STK3: variants seen among roughly 807,000 people sequenced by gnomAD.
STK3 encodes the protein serine/threonine-protein kinase 3.
A neutral mutation model predicts 58.0 loss-of-function variants in STK3; 41 were observed. The ratio of observed to expected loss-of-function variants is 0.71; its 90% CI spans 0.55 to 0.92. STK3 has a LOEUF of 0.92. Ranked by LOEUF, STK3 falls within the 40% of genes least tolerant of loss-of-function variation. The pLI is 0.00. For synonymous variants in STK3, 170 were observed against 191.0 expected (o/e 0.89, Z 0.91); for missense variants, 479 against 602.7 (o/e 0.79, Z 2.15).
chr8:98,574,108 C>A (rs114280925), intron 8 of STK3, among the ~76,000 whole-genome samples: 69 of 152,132 alleles, frequency 4.5e-4, no homozygotes, highest in African/African-American at 1.5e-3. Flanking sequence ...AGGGCCACAG[C>A]CAAACCATAT....
At chr8:98,769,345 T>TC (rs1173900202) in intron 2 of STK3, among the ~76,000 whole-genome samples, 1 of 152,168 alleles carries the variant, frequency 6.6e-6, no homozygotes, top group African/African-American at 2.4e-5. Flanking sequence ...GGCAGGTCTT[T>TC]CCCATGCTGT....
chr8:98,786,393 T>A (rs1023527580), intron 1 of STK3, among the ~76,000 whole-genome samples: 1 of 152,124 alleles, frequency 6.6e-6, no homozygotes, highest in Non-Finnish European at 1.5e-5. Flanking sequence ...CAAAGAAATT[T>A]AAAAATTAGC....
At chr8:98,495,837 A>G (rs544191802) in intron 10 of STK3, among the ~76,000 whole-genome samples, 1 of 152,292 alleles carries the variant, frequency 6.6e-6, no homozygotes, top group East Asian at 1.9e-4. Flanking sequence ...TTAAAGCTGA[A>G]GTTCATACTA....
chr8:98,480,622 T>G (rs1821772050), intron 10 of STK3, among the ~76,000 whole-genome samples: 1 of 152,108 alleles, frequency 6.6e-6, no homozygotes, highest in African/African-American at 2.4e-5. Flanking sequence ...GAATTCAAAC[T>G]TGTATCTGAT....
intron 6 of STK3, among the ~76,000 whole-genome samples, chr8:98,687,458 G>GC (rs1217458226): frequency 2.0e-5 from 3 of 152,066 alleles, no homozygotes. Flanking sequence ...ATTCTTGATC[G>GC]CCCACCGCCC....
intron 1 of STK3, among the ~76,000 whole-genome samples, chr8:98,798,877 C>T (rs770105983): frequency 2.6e-5 from 4 of 152,174 alleles, no homozygotes; most frequent in Non-Finnish European, 4.4e-5. Context: ...GATTAAGACC[C>T]TAATGAAAGA....
chr8:98,783,553 G>A (rs1832256523), intron 1 of STK3, among the ~76,000 whole-genome samples: 1 of 152,186 alleles, frequency 6.6e-6, no homozygotes, highest in African/African-American at 2.4e-5. Context: ...CCTGATCAGG[G>A]TGGTGGTTGC....
At chr8:98,604,322 G>C (rs1816603931) in intron 6 of STK3, among the ~76,000 whole-genome samples, 1 of 152,200 alleles carries the variant, frequency 6.6e-6, no homozygotes, top group Non-Finnish European at 1.5e-5. Context: ...CTGATAAAAG[G>C]CGTGGGCTCC....
chr8:98,423,616 G>T (rs1235186929), intron 3 of STK3, among the ~76,000 whole-genome samples: 1 of 152,226 alleles, frequency 6.6e-6, no homozygotes, highest in East Asian at 1.9e-4. Flanking sequence ...TGGCTGGTGG[G>T]GAGCAGGATG....
chr8:98,618,488 A>C (rs1042818247), intron 6 of STK3, among the ~76,000 whole-genome samples: 19 of 151,956 alleles, frequency 1.3e-4, no homozygotes, highest in Admixed American at 2.6e-4. Context: ...AGAAGGAAAT[A>C]AAGGGTATTC....
chr8:98,838,117 C>T (rs535278230), intron 3 of STK3, among the ~76,000 whole-genome samples: 83 of 150,010 alleles, frequency 5.5e-4, no homozygotes, highest in Admixed American at 2.3e-3. Flanking sequence ...GTAGGGCACA[C>T]CTTTAGTACG....
At chr8:98,518,516 T>C (rs1229056692) in intron 10 of STK3, among the ~76,000 whole-genome samples, 1 of 152,188 alleles carries the variant, frequency 6.6e-6, no homozygotes, top group Non-Finnish European at 1.5e-5. Context: ...AAGAATCAAT[T>C]AAATCTAGTT....
intron 6 of STK3, among the ~76,000 whole-genome samples, chr8:98,654,732 C>T (rs1020941523): frequency 6.6e-6 from 1 of 152,064 alleles, no homozygotes; most frequent in Non-Finnish European, 1.5e-5. Context: ...CTCCCATTCA[C>T]AATTGCTTCA....
At chr8:98,739,742 G>A (rs548704141) in intron 4 of STK3, among the ~76,000 whole-genome samples, 10 of 147,686 alleles carry the variant, frequency 6.8e-5, no homozygotes, top group South Asian at 4.4e-4. Flanking sequence ...AAAGCTGGAC[G>A]GAGAATGACT....
At chr8:98,435,274 A>C (rs1818446085) in intron 2 of STK3, among the ~76,000 whole-genome samples, 3 of 152,186 alleles carry the variant, frequency 2.0e-5, no homozygotes, top group Admixed American at 2.0e-4. Context: ...AAAAGGAAAA[A>C]ACCTTTTCCT....
At chr8:98,820,550 T>C (rs761995159) in intron 1 of STK3, among the ~76,000 whole-genome samples, 5 of 152,216 alleles carry the variant, frequency 3.3e-5, no homozygotes, top group African/African-American at 7.2e-5. Context: ...CTGTCTATCA[T>C]AGAGACCCAC....
downstream of STK3, among the ~76,000 whole-genome samples, chr8:98,399,777 C>T (rs572610233): frequency 4.6e-5 from 7 of 152,278 alleles, no homozygotes; most frequent in East Asian, 1.3e-3. Context: ...ACTATGTCAC[C>T]AACTGAGAGC....
chr8:98,681,733 C>A (rs1164222608), intron 6 of STK3, among the ~76,000 whole-genome samples: 1 of 152,168 alleles, frequency 6.6e-6, no homozygotes, highest in African/African-American at 2.4e-5. Flanking sequence ...CCTGACTTCC[C>A]ATTCTACCCC....
At chr8:98,653,354 G>C (rs1204980561) in intron 6 of STK3, among the ~76,000 whole-genome samples, 1 of 152,090 alleles carries the variant, frequency 6.6e-6, no homozygotes, top group African/African-American at 2.4e-5. Flanking sequence ...GAAATTTATA[G>C]CACTAAATAC....
Sources: allele counts gnomAD v4.1 joint callset (sites outside exome capture counted in the v4.1 genomes callset), GRCh38; gene constraint gnomAD v4.1.1; transcripts MANE v1.5; gene names NCBI Gene and HGNC (gene_info 2026-07-23, HGNC 2026-07-21).